The following RCAN2 variants were observed in gnomAD, a reference collection of about 807,000 sequenced individuals.
RCAN2 encodes regulator of calcineurin 2, also known as calcipressin-2.
A neutral mutation model predicts 23.6 loss-of-function variants in RCAN2; 9 were observed. The observed-to-expected ratio is 0.38, with a 90% CI of 0.23 to 0.67. RCAN2 has a LOEUF of 0.67. Among genes scored for constraint, RCAN2 ranks in the 30% least tolerant of loss-of-function variants. RCAN2 has a pLI of 0.51. For synonymous variants in RCAN2, 109 were observed against 115.7 expected (o/e 0.94, Z 0.37); for missense variants, 273 against 302.3 (o/e 0.90, Z 0.72).
At chr6:46,377,541 A>G (rs1303038771) in intron 2 of RCAN2, among the ~76,000 whole-genome samples, 1 of 152,218 alleles carries the variant, frequency 6.6e-6, no homozygotes, top group African/African-American at 2.4e-5. Context: ...CCTCGAAGCC[A>G]AGGGTGCAGC....
intron 2 of RCAN2, among the ~76,000 whole-genome samples, chr6:46,370,843 C>T (rs1038825147): frequency 6.6e-6 from 1 of 152,204 alleles, no homozygotes; most frequent in Non-Finnish European, 1.5e-5. Flanking sequence ...AGTGTATACT[C>T]CTCATTGGAT....
At chr6:46,465,362 A>C (rs1768345788) in intron 1 of RCAN2, among the ~76,000 whole-genome samples, 1 of 152,244 alleles carries the variant, frequency 6.6e-6, no homozygotes, top group Non-Finnish European at 1.5e-5. Context: ...AAGGTCTCAC[A>C]GGAAACAGAC....
intron 2 of RCAN2, among the ~76,000 whole-genome samples, chr6:46,362,159 C>T (rs886661462): frequency 1.3e-5 from 2 of 152,022 alleles, no homozygotes; most frequent in Non-Finnish European, 2.9e-5. Flanking sequence ...AGGGTAGTCA[C>T]GATATACATG....
At chr6:46,225,015 G>A (rs1156467803) in intron 4 of RCAN2, among the ~76,000 whole-genome samples, 1 of 146,972 alleles carries the variant, frequency 6.8e-6, no homozygotes, top group African/African-American at 2.5e-5. Flanking sequence ...TCCCACCTAT[G>A]AGTGAGAATA....
intron 2 of RCAN2, among the ~76,000 whole-genome samples, chr6:46,328,508 T>G (rs777794652): frequency 6.6e-6 from 1 of 152,112 alleles, no homozygotes; most frequent in Non-Finnish European, 1.5e-5. Context: ...ACTTATTGGG[T>G]TTTTAATAGT....
Position 46,222,145 on chromosome 6 carries a change from T to C in RCAN2, c.*996A>G. 2.5e-6 allele frequency: 1 copy of C among 396,266 alleles called. No homozygotes were observed. Among genetic ancestry groups the C allele is most frequent in the Non-Finnish European group, 4.4e-6 (1 of 224,756 alleles). 24.5% of individuals were successfully genotyped at this position (396,266 alleles called of 1,614,324 possible). On this transcript the variant is annotated 3_prime_UTR_variant, in exon 5 of 5. Coordinates refer to ENST00000371374, the MANE Select transcript of RCAN2 (RefSeq NM_001251974.2). ...TTAGATGTTTTGTGTCCTTTCAAAA[T>C]TCAGCATTATCCTTATTAGAGTGTA...
In RCAN2 at chr6:46,223,288, C is replaced by T; in HGVS notation, c.585G>A (p.Glu195=). The T allele has an allele frequency of 6.2e-7, 1 of 1,613,194 alleles. No individual in the cohort carries two copies. The highest frequency in any genetic ancestry group is 8.5e-7 in the Non-Finnish European group (1 of 1,179,686). Residue 195 remains glutamate, a synonymous_variant, in exon 5 of 5, where the codon GAG becomes GAA. Transcript: ENST00000371374. The part of the protein sequence containing the change: ...VAKLGPGEKY[E]LHAGTESTPS... ...GGGTGGACTCAGTCCCTGCATGGAG[C>T]TCATACTTCTCTCCTGAAAAGCAAG...
At chr6:46,452,681 C>T (rs892325910) in intron 2 of RCAN2, among the ~76,000 whole-genome samples, 4 of 152,090 alleles carry the variant, frequency 2.6e-5, no homozygotes, top group Admixed American at 2.0e-4. Context: ...AAGATACTAC[C>T]CTCATAGGGT....
chr6:46,474,374 C>T lies in RCAN2; in HGVS notation c.-3+16799G>A, dbSNP rs574760237. Among the ~76,000 whole-genome samples, 4 of 152,174 alleles carry T rather than the reference C, an allele frequency of 2.6e-5. No individual in the cohort carries two copies. In the South Asian group the frequency reaches 8.3e-4, roughly 32 times the overall value. On this transcript the variant is annotated intron_variant, in intron 1 of 4. Coordinates refer to ENST00000371374, the MANE Select transcript of RCAN2 (RefSeq NM_001251974.2). ...CAGGGGGAAGCCATATTGTCATGTA[C>T]CTTTCATGACATAAAATCTGTTTCT...
At chr6:46,367,724 T>A (rs2150387400) in intron 2 of RCAN2, among the ~76,000 whole-genome samples, 1 of 152,330 alleles carries the variant, frequency 6.6e-6, no homozygotes, top group South Asian at 2.1e-4. Flanking sequence ...ACACATATAA[T>A]CTCAGATTAC....
chr6:46,373,087 CCAGA>C (rs1765363736), intron 2 of RCAN2, among the ~76,000 whole-genome samples: 1 of 152,068 alleles, frequency 6.6e-6, no homozygotes. Flanking sequence ...AGTGAGGGAG[CCAGA>C]CAATTTAGTG....
intron 2 of RCAN2, among the ~76,000 whole-genome samples, chr6:46,269,900 C>G (rs1767469144): frequency 6.6e-6 from 1 of 152,160 alleles, no homozygotes; most frequent in African/African-American, 2.4e-5. Flanking sequence ...CCCCTCTCCT[C>G]TCATGGAGCA....
At chr6:46,442,268 AT>A (rs1307552705) in intron 2 of RCAN2, among the ~76,000 whole-genome samples, 2 of 152,254 alleles carry the variant, frequency 1.3e-5, no homozygotes, top group Non-Finnish European at 2.9e-5. Flanking sequence ...TTGAATTTAC[AT>A]CTTTTAAAAT....
chr6:46,425,318 G>A (rs1176347370), intron 2 of RCAN2, among the ~76,000 whole-genome samples: 1 of 152,214 alleles, frequency 6.6e-6, no homozygotes, highest in Non-Finnish European at 1.5e-5. Context: ...TCAGAGCAAT[G>A]ACATCACCAC....
In RCAN2 at chr6:46,221,098, C is replaced by A. The variant is rs957393675; in HGVS notation, c.*2043G>T. 1.3e-5 allele frequency: 2 copies of A among 152,498 alleles called. No homozygotes were observed. The highest frequency in any genetic ancestry group is 4.8e-5 in the African/African-American group (2 of 41,454). 9.4% of individuals were successfully genotyped at this position (152,498 alleles called of 1,614,324 possible). ...TAAGACTAACTCCAGAGGCCATACA[C>A]TTCATTGTGTTTCTTTTATGACTAC... On this transcript the variant is annotated 3_prime_UTR_variant, in exon 5 of 5. Coordinates refer to ENST00000371374, the MANE Select transcript of RCAN2 (RefSeq NM_001251974.2).
At chr6:46,387,783 G>T (rs1765799823) in intron 2 of RCAN2, among the ~76,000 whole-genome samples, 1 of 152,132 alleles carries the variant, frequency 6.6e-6, no homozygotes, top group African/African-American at 2.4e-5. Context: ...AAATCATGCT[G>T]CTATAAAGAC....
chr6:46,430,297 A>G (rs1421910395), intron 2 of RCAN2, among the ~76,000 whole-genome samples: 1 of 152,180 alleles, frequency 6.6e-6, no homozygotes, highest in Non-Finnish European at 1.5e-5. Context: ...CTACAGAATG[A>G]TTGGGTGAGG....
intron 2 of RCAN2, among the ~76,000 whole-genome samples, chr6:46,380,813 G>A (rs371014961): frequency 5.9e-5 from 9 of 152,048 alleles, no homozygotes; most frequent in African/African-American, 2.2e-4. Context: ...AAGAGATAAC[G>A]CATGTAAAAA....
chr6:46,323,395 A>G (rs914129733), intron 2 of RCAN2, among the ~76,000 whole-genome samples: 29 of 152,162 alleles, frequency 1.9e-4, no homozygotes, highest in Middle Eastern at 3.4e-3. Context: ...TAAAAAAAAA[A>G]AAAAGAAAAG....
Sources: gnomAD v4.1 joint callset for allele counts (sites outside exome capture counted in the v4.1 genomes callset) on GRCh38, gnomAD v4.1.1 for gene constraint, MANE v1.5 for transcripts, NCBI Gene and HGNC (gene_info 2026-07-23, HGNC 2026-07-21) for gene names.